The following STK39 variants were observed in gnomAD, a reference collection of about 807,000 sequenced individuals.
STK39 encodes the protein STE20/SPS1-related proline-alanine-rich protein kinase.
A neutral mutation model predicts 77.8 loss-of-function variants in STK39; 20 were observed. The observed-to-expected ratio is 0.26, with a 90% CI of 0.18 to 0.37. The LOEUF (loss-of-function observed/expected upper bound fraction) is 0.37. STK39 is among the 10% of genes least tolerant of loss of function. STK39 has a pLI of 1.00. For synonymous variants in STK39, 246 were observed against 234.1 expected, an observed-to-expected ratio of 1.05 and a Z score of -0.47; for missense variants, 479 against 656.5, an observed-to-expected ratio of 0.73 and a Z score of 2.95.
chr2:168,108,529 C>T (rs35103310), intron 10 of STK39, among the ~76,000 whole-genome samples: 55,295 of 150,928 alleles, frequency 0.37, 11,040 homozygotes, highest in South Asian at 0.47. Context: ...ACCTGGGTGA[C>T]GGAGCGAGAC....
At chr2:168,012,241 C>T (rs184903355) in intron 16 of STK39, among the ~76,000 whole-genome samples, 1,519 of 151,540 alleles carry the variant, frequency 0.01, 20 homozygotes, top group Middle Eastern at 0.038. Context: ...GGCGTGATCT[C>T]GGCTCACTGC....
At chr2:168,019,597 AC>A (rs1684520618) in intron 14 of STK39, among the ~76,000 whole-genome samples, 1 of 152,240 alleles carries the variant, frequency 6.6e-6, no homozygotes, top group East Asian at 1.9e-4. Flanking sequence ...AGACTAAAGA[AC>A]CCTGCCCTGG....
At chr2:168,242,597 A>ATATATATATAT (rs1178293952) in intron 1 of STK39, among the ~76,000 whole-genome samples, 1 of 136,760 alleles carries the variant, frequency 7.3e-6, no homozygotes, top group Admixed American at 7.6e-5. Context: ...ATATATATAT[A>ATATATATATAT]AAGAGGCCAG....
chr2:168,007,888 C>T (rs911311499), intron 16 of STK39, among the ~76,000 whole-genome samples: 2 of 152,146 alleles, frequency 1.3e-5, no homozygotes, highest in African/African-American at 2.4e-5. Flanking sequence ...TTTAAAAAAT[C>T]GAACTAAAAG....
rs5836172 is a variant in STK39 at position 168,135,987 on chromosome 2, ATT to A, written c.974+2099_974+2100del. Among the ~76,000 whole-genome samples the A allele has an allele frequency of 5.6e-3, 819 of 146,706 alleles. 9 individuals carry two copies. Among genetic ancestry groups the A allele is most frequent in the African/African-American group, 0.015 (617 of 40,046 alleles). ...ATGTTATATGACGCTCTTCTAAAGG[ATT>A]TTTTTTTTTTTTGGTGGAATAGAAG... On this transcript the variant is annotated intron_variant, in intron 8 of 17. Transcript: ENST00000355999.
In STK39 at chr2:167,959,212, G is replaced by A. The variant is rs571142352; in HGVS notation, c.1564-3642C>T. Among the ~76,000 whole-genome samples, 52 of 151,600 alleles carry A rather than the reference G, an allele frequency of 3.4e-4. 1 individual carries two copies. In the South Asian group the frequency reaches 0.01, roughly 30 times the overall value. On this transcript the variant is annotated intron_variant, in intron 17 of 17. Transcript: ENST00000355999. ...CGGCTCACTGCAACCTCCGCCTCCC[G>A]GGTTCAAGCGATTCTCTTGCCTCAG...
intron 7 of STK39, among the ~76,000 whole-genome samples, chr2:168,139,052 A>C (rs1168747049): frequency 6.6e-6 from 1 of 152,184 alleles, no homozygotes; most frequent in African/African-American, 2.4e-5. Flanking sequence ...ACACTTTCAG[A>C]TGTGTGAATA....
intron 1 of STK39, among the ~76,000 whole-genome samples, chr2:168,205,690 G>A (rs1006491609): frequency 3.9e-5 from 6 of 151,992 alleles, no homozygotes; most frequent in Non-Finnish European, 7.4e-5. Flanking sequence ...GTGGTGGCAC[G>A]TCTCTGTAGT....
intron 15 of STK39, 66 bp downstream of exon 15, chr2:168,016,977 A>C: frequency 2.3e-6 from 3 of 1,284,254 alleles, no homozygotes; most frequent in Non-Finnish European, 3.3e-6. Context: ...TTATAACCAC[A>C]TGCTTGTAAT....
At chr2:167,978,873 A>G (rs1267846376) in intron 16 of STK39, among the ~76,000 whole-genome samples, 2 of 151,136 alleles carry the variant, frequency 1.3e-5, no homozygotes, top group African/African-American at 2.5e-5. Context: ...CATCTAGTAC[A>G]TACCCATTTT....
chr2:168,080,689 G>A (rs1052854209), intron 10 of STK39, among the ~76,000 whole-genome samples: 3 of 152,126 alleles, frequency 2.0e-5, no homozygotes, highest in African/African-American at 7.2e-5. Flanking sequence ...GGGCATGACA[G>A]AGAACTTTGT....
intron 16 of STK39, among the ~76,000 whole-genome samples, chr2:167,970,361 T>C (rs1439235053): frequency 1.3e-5 from 2 of 152,190 alleles, no homozygotes; most frequent in East Asian, 3.9e-4. Flanking sequence ...CAATCTGTGT[T>C]GAATACATGA....
intron 14 of STK39, among the ~76,000 whole-genome samples, chr2:168,061,687 G>C (rs1212840880): frequency 6.6e-6 from 1 of 152,128 alleles, no homozygotes. Context: ...AGGATTGCAA[G>C]AGCAATATAG....
intron 5 of STK39, among the ~76,000 whole-genome samples, chr2:168,151,394 C>T (rs1000523780): frequency 7.2e-5 from 11 of 152,196 alleles, no homozygotes; most frequent in African/African-American, 2.7e-4. Context: ...AGGCTACATC[C>T]TTTGCACCTT....
chr2:168,142,525 T>C (rs1309871923), intron 5 of STK39, among the ~76,000 whole-genome samples: 2 of 152,172 alleles, frequency 1.3e-5, no homozygotes, highest in African/African-American at 2.4e-5. Context: ...CTAAAAGACA[T>C]AATCCAGGTA....
Position 168,063,486 on chromosome 2 carries a change from A to G in STK39, c.1376+14T>C. On this transcript the variant is annotated intron_variant, in intron 14 of 17. Transcript: ENST00000355999. ...TAGGAAAAACAATGCAGAATAAACA[A>G]CAGTATTATTTACCTTAATCTCAAA... is the stretch of plus-strand genomic sequence containing the variant. The G allele has an allele frequency of 6.2e-7, 1 of 1,605,248 alleles. No homozygotes were observed. The highest frequency in any genetic ancestry group is 1.7e-5 in the Admixed American group (1 of 58,700).
At chr2:168,115,840 T>G (rs112017089) in intron 10 of STK39, among the ~76,000 whole-genome samples, 5 of 152,032 alleles carry the variant, frequency 3.3e-5, no homozygotes, top group African/African-American at 1.2e-4. Context: ...AAGTGGACAA[T>G]AGAGAACTGA....
chr2:168,140,425 C>T, intron 6 of STK39, 35 bp from the exon 7 acceptor site: 1 of 1,555,192 alleles, frequency 6.4e-7, no homozygotes, highest in Non-Finnish European at 8.9e-7. Context: ...CACAATCATA[C>T]AGCAGGCATG....
At chr2:168,125,544 G>C (rs1025768354) in intron 10 of STK39, among the ~76,000 whole-genome samples, 2 of 152,090 alleles carry the variant, frequency 1.3e-5, no homozygotes, top group African/African-American at 4.8e-5. Context: ...TGAGGTCCAG[G>C]AACATCCAAT....
Sources: allele counts gnomAD v4.1 joint callset (sites outside exome capture counted in the v4.1 genomes callset), GRCh38; gene constraint gnomAD v4.1.1; transcripts MANE v1.5; gene names NCBI Gene and HGNC (gene_info 2026-07-23, HGNC 2026-07-21).